Variants in ANKS1B observed in about 807,000 individuals in gnomAD.
ANKS1B encodes ankyrin repeat and sterile alpha motif domain-containing protein 1B.
Under a neutral mutation model 148.3 loss-of-function variants are expected in ANKS1B, and 36 were observed. That is an observed-to-expected ratio of 0.24 (90% confidence interval 0.19 to 0.32). The LOEUF (loss-of-function observed/expected upper bound fraction) is 0.32. Ranked by LOEUF, ANKS1B falls within the 10% of genes least tolerant of loss-of-function variation. ANKS1B has a pLI of 1.00. For missense variants in ANKS1B, 1,157 were observed against 1,542.6 expected (o/e 0.75, Z 4.19); for synonymous variants, 542 against 560.8 (o/e 0.97, Z 0.47).
At chr12:99,289,997 G>T (rs997220627) in intron 12 of ANKS1B, among the ~76,000 whole-genome samples, 1 of 151,036 alleles carries the variant, frequency 6.6e-6, no homozygotes, top group Non-Finnish European at 1.5e-5. Flanking sequence ...TTGGTTTTTT[G>T]AAAAGATAAA....
At chr12:99,128,612 C>T (rs1288850149) in intron 15 of ANKS1B, among the ~76,000 whole-genome samples, 2 of 152,316 alleles carry the variant, frequency 1.3e-5, no homozygotes, top group African/African-American at 4.8e-5. Flanking sequence ...TTCATCTGTA[C>T]ATTCCTCTCA....
rs75356242 is a variant in ANKS1B at position 99,687,548 on chromosome 12, A to C, written c.1129-32338T>G. Among the ~76,000 whole-genome samples the C allele has an allele frequency of 6.7e-3, 1,018 of 151,284 alleles. 17 individuals are homozygous for C. The highest frequency in any genetic ancestry group is 0.024 in the African/African-American group (989 of 41,254). The stretch of plus-strand genomic sequence containing the variant: ...CCTTCTTCTTTCTGTACTTCATTTT[A>C]GTTTCTATTGCTAGATCCTCAAGTT... On this transcript the variant is annotated intron_variant, in intron 8 of 26. Coordinates refer to ENST00000683438, the MANE Select transcript of ANKS1B (RefSeq NM_001352186.2).
intron 8 of ANKS1B, among the ~76,000 whole-genome samples, chr12:99,751,078 A>G (rs2061060067): frequency 6.6e-6 from 1 of 151,996 alleles, no homozygotes; most frequent in South Asian, 2.1e-4. Context: ...AAATATTTTA[A>G]TATTCATAAG....
chr12:99,617,747 T>C (rs1430095634), intron 9 of ANKS1B, among the ~76,000 whole-genome samples: 1 of 151,776 alleles, frequency 6.6e-6, no homozygotes, highest in East Asian at 1.9e-4. Context: ...ATGGCACATG[T>C]CTACCTATGA....
At chr12:99,375,532 C>A (rs1189754860) in intron 12 of ANKS1B, among the ~76,000 whole-genome samples, 2 of 152,102 alleles carry the variant, frequency 1.3e-5, no homozygotes, top group African/African-American at 2.4e-5. Flanking sequence ...AAAAACTCAA[C>A]AAAGTAATCA....
At chr12:98,791,608 T>C (rs1477294840) in intron 22 of ANKS1B, among the ~76,000 whole-genome samples, 1 of 152,200 alleles carries the variant, frequency 6.6e-6, no homozygotes. Context: ...ATGCAGTGGC[T>C]GTTCACAGGT....
chr12:99,781,503 C>T (rs552591437), intron 5 of ANKS1B, among the ~76,000 whole-genome samples: 4 of 152,136 alleles, frequency 2.6e-5, no homozygotes, highest in African/African-American at 9.7e-5. Context: ...TCCTTCAAAG[C>T]ACTCCCTTTA....
At chr12:99,944,718 T>A (rs1309354469) in intron 1 of ANKS1B, among the ~76,000 whole-genome samples, 2 of 152,132 alleles carry the variant, frequency 1.3e-5, no homozygotes, top group African/African-American at 4.8e-5. Flanking sequence ...TTAAGAAGCA[T>A]ACTGAATCTG....
intron 17 of ANKS1B, among the ~76,000 whole-genome samples, chr12:99,041,398 G>C (rs1243116439): frequency 6.6e-6 from 1 of 152,090 alleles, no homozygotes; most frequent in Non-Finnish European, 1.5e-5. Context: ...TGAGTTTGAT[G>C]GTCAATGAGT....
Position 99,230,487 on chromosome 12 carries a change from T to C in ANKS1B, c.2419+13855A>G, listed in dbSNP as rs144458933. ...TGAAAACTGTACCATTTTTAAACCA[T>C]TGATACGTCATAAGCAAATATTAGA... On this transcript the variant is annotated intron_variant, in intron 14 of 26. Coordinates refer to ENST00000683438, the MANE Select transcript of ANKS1B (RefSeq NM_001352186.2). 6.3e-4 allele frequency among the ~76,000 whole-genome samples: 96 copies of C among 152,254 alleles called. 1 individual carries two copies. The highest frequency in any genetic ancestry group is 1.1e-3 in the Non-Finnish European group (73 of 67,996).
intron 12 of ANKS1B, among the ~76,000 whole-genome samples, chr12:99,274,114 T>G (rs2077394589): frequency 6.6e-6 from 1 of 152,058 alleles, no homozygotes; most frequent in African/African-American, 2.4e-5. Context: ...GTCACTATAT[T>G]TGATCTTTTG....
chr12:99,262,749 T>C (rs188764952), intron 12 of ANKS1B, among the ~76,000 whole-genome samples: 48 of 152,196 alleles, frequency 3.2e-4, no homozygotes, highest in African/African-American at 1.1e-3. Context: ...GTCTAAAAAA[T>C]TGAGACATGT....
intron 12 of ANKS1B, among the ~76,000 whole-genome samples, chr12:99,333,374 G>A (rs139989999): frequency 6.6e-6 from 1 of 152,166 alleles, no homozygotes; most frequent in Non-Finnish European, 1.5e-5. Flanking sequence ...AGAAGCAGGT[G>A]CACAATTATA....
Position 99,907,812 on chromosome 12 carries a change from TAAAAAAA to T in ANKS1B, c.134+76285_134+76291del, listed in dbSNP as rs751468199. 3.5e-4 allele frequency among the ~76,000 whole-genome samples: 35 copies of T among 100,156 alleles called. No homozygotes were observed. The East Asian group carries it at 6.8e-3, about 20-fold the overall frequency. 65.7% of individuals were successfully genotyped at this position (100,156 alleles called of 152,430 possible). The stretch of plus-strand genomic sequence containing the variant: ...GTTTTCTCCTCTCCAGAGAAATTCT[TAAAAAAA>T]AAAAAAAAAAAAAAAAAAACTGTAA... On this transcript the variant is annotated intron_variant, in intron 1 of 26. Transcript: ENST00000683438.
At chr12:98,894,491 G>C in intron 17 of ANKS1B, 1 of 813,760 alleles carries the variant, frequency 1.2e-6, no homozygotes, top group Non-Finnish European at 1.5e-6. Flanking sequence ...CACCTGCCCC[G>C]GCAAAGCGTC....
chr12:99,643,007 A>T (rs922749233), intron 9 of ANKS1B, among the ~76,000 whole-genome samples: 1 of 148,778 alleles, frequency 6.7e-6, no homozygotes, highest in African/African-American at 2.5e-5. Flanking sequence ...ATCCAGGATA[A>T]TCCCCCCCCA....
intron 2 of ANKS1B, among the ~76,000 whole-genome samples, chr12:99,823,900 G>A (rs2082829279): frequency 6.6e-6 from 1 of 152,114 alleles, no homozygotes; most frequent in Admixed American, 6.5e-5. Context: ...GATGGCTATA[G>A]GTGTATGGCT....
intron 9 of ANKS1B, among the ~76,000 whole-genome samples, chr12:99,565,614 T>TC (rs1204591869): frequency 7.2e-5 from 11 of 152,208 alleles, no homozygotes; most frequent in African/African-American, 2.7e-4. Context: ...CCTTCTTGGT[T>TC]CTGCCCTCTG....
chr12:99,806,281 T>C, intron 4 of ANKS1B, 123 bp downstream of exon 4: 1 of 1,194,638 alleles, frequency 8.4e-7, no homozygotes, highest in Admixed American at 2.2e-5. Flanking sequence ...TTGAACTCAG[T>C]AGTTACAAAA....
Sources: gnomAD v4.1 joint callset for allele counts (sites outside exome capture counted in the v4.1 genomes callset) on GRCh38, gnomAD v4.1.1 for gene constraint, MANE v1.5 for transcripts, NCBI Gene and HGNC (gene_info 2026-07-23, HGNC 2026-07-21) for gene names.